Variants in ESYT1 observed in about 807,000 individuals in gnomAD.
ESYT1 encodes the protein extended synaptotagmin-1.
A neutral mutation model predicts 154.2 loss-of-function variants in ESYT1; 116 were observed. The observed-to-expected ratio is 0.75, with a 90% CI of 0.65 to 0.88. The LOEUF (loss-of-function observed/expected upper bound fraction) is 0.88. ESYT1 is among the 40% of genes least tolerant of loss of function. The pLI is 0.00. For missense variants in ESYT1, 1,264 were observed against 1,379.3 expected (o/e 0.92, Z 1.32); for synonymous variants, 500 against 539.9 (o/e 0.93, Z 1.02).
rs768316776 is a variant in ESYT1, at chr12:56,138,772, G to A, written c.2438G>A (p.Arg813Gln). ...AACACAGTATTGTCTTTCTAGCTGCGAAAAGGCACCAAGCACCTCAGCCCT... is the reference window on the plus strand; with the variant it reads ...AACACAGTATTGTCTTTCTAGCTGCAAAAAGGCACCAAGCACCTCAGCCCT... ...YMERAEDLPL[R>Q]KGTKHLSPYA... The change falls in exon 23 of 31, where the codon CGA becomes CAA. Residue 813 changes from arginine to glutamine, a missense_variant. Transcript: ENST00000394048. 1.7e-5 allele frequency: 28 copies of A among 1,613,978 alleles called. No homozygotes were observed. The Middle Eastern group carries it at 4.9e-4, about 28-fold the overall frequency.
chr12:56,134,190 C>G lies in ESYT1; in HGVS notation c.1545+9C>G. ...TGACTCAGGAGAGCAAGGTGAGGGC[C>G]AGGACATCATTGTGGGTGGCCAGGT... is the stretch of plus-strand genomic sequence containing the variant. On this transcript the variant is annotated intron_variant, in intron 14 of 30. Transcript: ENST00000394048. The G allele has an allele frequency of 6.2e-7, 1 of 1,613,868 alleles. No homozygotes were observed. The highest frequency in any genetic ancestry group is 8.5e-7 in the Non-Finnish European group (1 of 1,179,792).
Position 56,143,213 on chromosome 12 carries a change from C to T in ESYT1, c.3120-15C>T. On this transcript the variant is annotated splice_polypyrimidine_tract_variant and intron_variant, in intron 28 of 30. Coordinates refer to ENST00000394048, the MANE Select transcript of ESYT1 (RefSeq NM_015292.3). Reference sequence around the variant, plus strand: ...GGAAAGGACTCCTGGCCCCTAACATCCAGTCCTACCCCAGGTTTGAGTGGG... The same window carrying T: ...GGAAAGGACTCCTGGCCCCTAACATTCAGTCCTACCCCAGGTTTGAGTGGG... 2 of 1,614,144 alleles carry T rather than the reference C, an allele frequency of 1.2e-6. No individual in the cohort carries two copies. The highest frequency in any genetic ancestry group is 1.7e-6 in the Non-Finnish European group (2 of 1,180,010).
At position 56,130,576 on chromosome 12, in the gene ESYT1, C is replaced by G. The variant is rs772270453; in HGVS notation, c.391-6C>G. 6.2e-7 allele frequency: 1 copy of G among 1,613,772 alleles called. No individual in the cohort carries two copies. Among genetic ancestry groups the G allele is most frequent in the Non-Finnish European group, 8.5e-7 (1 of 1,180,028 alleles). The stretch of plus-strand genomic sequence containing the variant: ...ACGTCACTGTCTCTGCCTTCCCCAC[C>G]TCCAGGTCAGCTTCCCAGACGTGGA... On this transcript the variant is annotated splice_region_variant and splice_polypyrimidine_tract_variant and intron_variant, in intron 1 of 30. Coordinates refer to ENST00000394048, the MANE Select transcript of ESYT1 (RefSeq NM_015292.3).
At position 56,143,677 on chromosome 12, in the gene ESYT1, A is replaced by G. The variant is rs763551212; in HGVS notation, c.3275+48A>G. ...GATGGTCTGGATATTTCAGTGGGAG[A>G]AATTCCAATCACAGGAAAGGAAAAA... On this transcript the variant is annotated intron_variant, in intron 30 of 30. Coordinates refer to ENST00000394048, the MANE Select transcript of ESYT1 (RefSeq NM_015292.3). 6 of 1,613,298 alleles carry G rather than the reference A, an allele frequency of 3.7e-6. No individual in the cohort carries two copies. In the Admixed American group the frequency reaches 1.0e-4, roughly 27 times the overall value.
chr12:56,129,326 C>G (rs1870132865), intron 1 of ESYT1: 1 of 159,844 alleles, frequency 6.3e-6, no homozygotes, highest in African/African-American at 2.4e-5. Context: ...GGTGCGGCTG[C>G]TGCAGTGCCC....
In ESYT1 at chr12:56,131,234, C is replaced by G; in HGVS notation, c.642-10C>G. Reference sequence around the variant, plus strand: ...TAACTCTCTTGGTTCTCTTCTTCACCAATCCCCAGCTATGTAGGTGATGTG... The same window carrying G: ...TAACTCTCTTGGTTCTCTTCTTCACGAATCCCCAGCTATGTAGGTGATGTG... On this transcript the variant is annotated splice_polypyrimidine_tract_variant and intron_variant, in intron 4 of 30. Transcript: ENST00000394048. 1 of 1,614,186 alleles carries G rather than the reference C, an allele frequency of 6.2e-7. No individual in the cohort carries two copies. Among genetic ancestry groups the G allele is most frequent in the East Asian group, 2.2e-5 (1 of 44,888 alleles).
intron 24 of ESYT1, among the ~76,000 whole-genome samples, chr12:56,140,410 G>C (rs991132877): frequency 6.6e-6 from 1 of 152,136 alleles, no homozygotes; most frequent in Non-Finnish European, 1.5e-5. Context: ...CTGTTGCCCA[G>C]GCTGGAGTAC....
Position 56,134,162 on chromosome 12 carries a change from A to T in ESYT1, c.1526A>T (p.Asp509Val). 1 of 1,614,146 alleles carries T rather than the reference A, an allele frequency of 6.2e-7. No homozygotes were observed. The highest frequency in any genetic ancestry group is 8.5e-7 in the Non-Finnish European group (1 of 1,179,998). The part of the protein sequence containing the change: ...PNPMVQLSIQ[D>V]VTQESKAVYS... ...CCTATGGTACAACTGTCAATTCAGGATGTGACTCAGGAGAGCAAGGTGAGG... is the reference window on the plus strand; with the variant it reads ...CCTATGGTACAACTGTCAATTCAGGTTGTGACTCAGGAGAGCAAGGTGAGG... Residue 509 changes from aspartate (D) to valine (V), a missense_variant, in exon 14 of 31, where the codon GAT becomes GTT. Transcript: ENST00000394048.
rs1413889419 is a variant in ESYT1, at chr12:56,128,279, GCCAGT to G, written c.-38_-34del. 1.3e-6 allele frequency: 2 copies of G among 1,569,176 alleles called. No homozygotes were observed. The highest frequency in any genetic ancestry group is 1.7e-6 in the Non-Finnish European group (2 of 1,164,314). On this transcript the variant is annotated 5_prime_UTR_variant, in exon 1 of 31. Coordinates refer to ENST00000394048, the MANE Select transcript of ESYT1 (RefSeq NM_015292.3). Reference sequence around the variant, plus strand: ...TGATCGCAAGACTAGGCAACCTCCAGCCAGTCCCTGGGTCGGGCGGATCCTCCCAG... The same window carrying G: ...TGATCGCAAGACTAGGCAACCTCCAGCCCTGGGTCGGGCGGATCCTCCCAG...
rs761947086 is a variant in ESYT1 at position 56,128,733 on chromosome 12, T to G, written c.390+24T>G. 9.3e-6 allele frequency: 15 copies of G among 1,611,676 alleles called. No homozygotes were observed. In the Middle Eastern group the frequency reaches 1.2e-3, roughly 125 times the overall value. ...GGGTGAGCGACCACCCTCGGTCCTC[T>G]GTGCAGCATAGCCCCCTTCCACCCC... On this transcript the variant is annotated intron_variant, in intron 1 of 30. Coordinates refer to ENST00000394048, the MANE Select transcript of ESYT1 (RefSeq NM_015292.3).
At chr12:56,143,397 C>T in intron 29 of ESYT1, 64 bp downstream of exon 29, 5 of 1,558,076 alleles carry the variant, frequency 3.2e-6, no homozygotes, top group African/African-American at 1.4e-5. Flanking sequence ...AGGTTATAGT[C>T]CCTGTGAGGA....
chr12:56,136,060 C>CAAA (rs72370981), intron 15 of ESYT1, among the ~76,000 whole-genome samples: 4 of 45,680 alleles, frequency 8.8e-5, no homozygotes, highest in East Asian at 6.7e-4. Flanking sequence ...ACTCTGTCTC[C>CAAA]AAAAAAAAAA....
intron 9 of ESYT1, 34 bp from the exon 10 acceptor site, chr12:56,132,685 C>T (rs1870288669): frequency 6.2e-7 from 1 of 1,613,088 alleles, no homozygotes; most frequent in African/African-American, 1.3e-5. Flanking sequence ...ACAGCTGCAG[C>T]CCCATGAGAC....
Position 56,142,786 on chromosome 12 carries a change from G to A in ESYT1, c.2889-49G>A. 3 of 1,613,474 alleles carry A rather than the reference G, an allele frequency of 1.9e-6. No homozygotes were observed. The highest frequency in any genetic ancestry group is 2.5e-6 in the Non-Finnish European group (3 of 1,179,794). Reference sequence around the variant, plus strand: ...GCAGTCAGAAATAAAAAGTATTACAGGTTCACTAGGCTCTAGCTTTCCCCA... The same window carrying A: ...GCAGTCAGAAATAAAAAGTATTACAAGTTCACTAGGCTCTAGCTTTCCCCA... On this transcript the variant is annotated intron_variant, in intron 26 of 30. Transcript: ENST00000394048. This position sits in a 1 kb window ranked among gnomAD's most constrained non-coding sequence, Gnocchi z 4.1.
At position 56,142,501 on chromosome 12, in the gene ESYT1, G is replaced by C; in HGVS notation, c.2733+76G>C. 1 of 1,609,608 alleles carries C rather than the reference G, an allele frequency of 6.2e-7. No homozygotes were observed. The highest frequency in any genetic ancestry group is 8.5e-7 in the Non-Finnish European group (1 of 1,176,824). On this transcript the variant is annotated intron_variant, in intron 25 of 30. Coordinates refer to ENST00000394048, the MANE Select transcript of ESYT1 (RefSeq NM_015292.3). The surrounding 1 kb of genome is among the most constrained non-coding windows in gnomAD (Gnocchi z 4.1). The stretch of plus-strand genomic sequence containing the variant: ...TCACAGGTGAGGGACACCCAGGAGG[G>C]TGGGAACAGAGGGCCGTGTCCTTAG...
At chr12:56,139,344 TCA>T (rs1451408786) in intron 24 of ESYT1, among the ~76,000 whole-genome samples, 1 of 151,946 alleles carries the variant, frequency 6.6e-6, no homozygotes, top group African/African-American at 2.4e-5. Context: ...ACTCCTGACC[TCA>T]GGTGATCCGC....
chr12:56,130,463 C>A, intron 1 of ESYT1, 119 bp from the exon 2 acceptor site: 1 of 1,256,132 alleles, frequency 8.0e-7, no homozygotes, highest in Non-Finnish European at 1.2e-6. Context: ...CCTCGCCCAC[C>A]CTGAGTGTGA....
Position 56,128,353 on chromosome 12 carries a change from A to C in ESYT1, c.34A>C (p.Ser12Arg). Reference sequence around the variant, plus strand: ...ATCTCCAGGAGAGGGCCCCAGCCCCAGCCCCATGGACCAGCCCTCTGCTCC... The same window carrying C: ...ATCTCCAGGAGAGGGCCCCAGCCCCCGCCCCATGGACCAGCCCTCTGCTCC... ...ERSPGEGPSP[S>R]PMDQPSAPSD... is the part of the protein sequence containing the mutation. Residue 12 changes from serine to arginine, a missense_variant, in exon 1 of 31, where the codon AGC becomes CGC. Coordinates refer to ENST00000394048, the MANE Select transcript of ESYT1 (RefSeq NM_015292.3). The C allele has an allele frequency of 6.2e-7, 1 of 1,612,176 alleles. No individual in the cohort carries two copies. Among genetic ancestry groups the C allele is most frequent in the Non-Finnish European group, 8.5e-7 (1 of 1,179,398 alleles).
At chr12:56,132,952 C>G (rs1399632699) in intron 10 of ESYT1, 151 bp downstream of exon 10, 2 of 667,202 alleles carry the variant, frequency 3.0e-6, no homozygotes, top group Non-Finnish European at 5.1e-6. Flanking sequence ...AACCCCATCT[C>G]TACTAAAAAT....
Sources: gnomAD v4.1 joint callset for allele counts (sites outside exome capture counted in the v4.1 genomes callset) on GRCh38, gnomAD v4.1.1 for gene constraint, Gnocchi (gnomAD v3.1) non-coding constraint, MANE v1.5 for transcripts, NCBI Gene and HGNC (gene_info 2026-07-23, HGNC 2026-07-21) for gene names.